Variants in EDIL3 observed in about 807,000 individuals in gnomAD.
EDIL3 encodes EGF like and discoidin domains 3, also known as EGF-like repeat and discoidin I-like domain-containing protein 3.
Under a neutral mutation model 67.4 loss-of-function variants are expected in EDIL3, and 37 were observed. The observed-to-expected ratio is 0.55, with a 90% CI of 0.42 to 0.72. The LOEUF (loss-of-function observed/expected upper bound fraction) is 0.72, where lower values mean the gene tolerates loss of function less well. Ranked by LOEUF, EDIL3 falls within the 30% of genes least tolerant of loss-of-function variation. EDIL3 has a pLI of 0.00. For synonymous variants in EDIL3, 195 were observed against 196.3 expected, an observed-to-expected ratio of 0.99 and a Z score of 0.05; for missense variants, 527 against 586.3, an observed-to-expected ratio of 0.90 and a Z score of 1.04.
chr5:84,286,547 G>A (rs1008067276), intron 1 of EDIL3, among the ~76,000 whole-genome samples: 3 of 152,086 alleles, frequency 2.0e-5, no homozygotes, highest in African/African-American at 7.2e-5. Flanking sequence ...TATACTCTGC[G>A]TTTGCTTGCT....
intron 6 of EDIL3, among the ~76,000 whole-genome samples, chr5:84,097,121 T>A (rs566716465): frequency 6.6e-6 from 1 of 152,278 alleles, no homozygotes; most frequent in South Asian, 2.1e-4. Flanking sequence ...ATACACCAAG[T>A]GACCCATGGT....
chr5:84,332,418 G>T (rs1746892361), intron 1 of EDIL3, among the ~76,000 whole-genome samples: 1 of 152,152 alleles, frequency 6.6e-6, no homozygotes, highest in Non-Finnish European at 1.5e-5. Flanking sequence ...TACTGCGATG[G>T]TTGATTTTCC....
At chr5:84,057,101 G>T (rs1746462036) in intron 9 of EDIL3, among the ~76,000 whole-genome samples, 1 of 152,054 alleles carries the variant, frequency 6.6e-6, no homozygotes, top group Non-Finnish European at 1.5e-5. Context: ...TTGCCTTGGA[G>T]ATTCTGAATA....
At chr5:83,949,874 CA>C (rs1336062285) in intron 10 of EDIL3, among the ~76,000 whole-genome samples, 1 of 151,696 alleles carries the variant, frequency 6.6e-6, no homozygotes, top group African/African-American at 2.4e-5. Flanking sequence ...TTTTGTTTCC[CA>C]GGGGGCTCTG....
rs150093117 is a variant in EDIL3 at position 84,032,197 on chromosome 5, G to A, written c.1137+28103C>T. ...CTTCCATATTGAACATAATTAGAAT[G>A]GCAATTCTTGTAATCCACTGGCATA... On this transcript the variant is annotated intron_variant, in intron 9 of 10. Transcript: ENST00000296591. Among the ~76,000 whole-genome samples, 10 of 152,164 alleles carry A rather than the reference G, an allele frequency of 6.6e-5. No individual in the cohort carries two copies. The East Asian group carries it at 1.9e-3, about 29-fold the overall frequency.
chr5:84,083,067 A>C (rs1747001363), intron 6 of EDIL3, among the ~76,000 whole-genome samples: 1 of 152,220 alleles, frequency 6.6e-6, no homozygotes, highest in Non-Finnish European at 1.5e-5. Context: ...AGCAGGGATG[A>C]ATTTTTAATT....
At chr5:84,325,678 G>A (rs1365399294) in intron 1 of EDIL3, among the ~76,000 whole-genome samples, 1 of 152,030 alleles carries the variant, frequency 6.6e-6, no homozygotes, top group East Asian at 1.9e-4. Context: ...AAAGACATAT[G>A]TGTACATTCA....
chr5:83,950,468 C>T (rs1435140450), intron 10 of EDIL3, among the ~76,000 whole-genome samples: 1 of 151,800 alleles, frequency 6.6e-6, no homozygotes, highest in African/African-American at 2.4e-5. Flanking sequence ...TCTACAACTT[C>T]CCCAACATCA....
intron 4 of EDIL3, among the ~76,000 whole-genome samples, chr5:84,172,617 T>G (rs1390900151): frequency 1.3e-5 from 2 of 151,070 alleles, no homozygotes; most frequent in African/African-American, 2.4e-5. Context: ...AACAAAAAAA[T>G]AAAAATAAAA....
intron 2 of EDIL3, among the ~76,000 whole-genome samples, chr5:84,233,165 T>C (rs1744615723): frequency 6.6e-6 from 1 of 152,176 alleles, no homozygotes; most frequent in African/African-American, 2.4e-5. Flanking sequence ...GAAATTATAA[T>C]GATGGTAGGA....
At chr5:84,375,131 C>G (rs759313826) in intron 1 of EDIL3, among the ~76,000 whole-genome samples, 2 of 151,944 alleles carry the variant, frequency 1.3e-5, no homozygotes, top group Non-Finnish European at 2.9e-5. Flanking sequence ...ACCACCACGC[C>G]CAGCTATTTT....
At chr5:84,044,795 G>A (rs567194614) in intron 9 of EDIL3, among the ~76,000 whole-genome samples, 1 of 152,238 alleles carries the variant, frequency 6.6e-6, no homozygotes, top group African/African-American at 2.4e-5. Flanking sequence ...AGTCGAAGTG[G>A]CAGCAGTTGG....
At chr5:84,316,847 C>T (rs1166810990) in intron 1 of EDIL3, among the ~76,000 whole-genome samples, 13 of 152,080 alleles carry the variant, frequency 8.5e-5, no homozygotes, top group Admixed American at 8.5e-4. Context: ...TAAAACTGAC[C>T]ACATAATTGG....
intron 1 of EDIL3, among the ~76,000 whole-genome samples, chr5:84,269,061 T>C (rs546656237): frequency 1.1e-4 from 16 of 152,330 alleles, no homozygotes; most frequent in African/African-American, 3.1e-4. Context: ...TCATCATATA[T>C]GTAGCCACTG....
intron 9 of EDIL3, among the ~76,000 whole-genome samples, chr5:83,987,685 C>T (rs1191659029): frequency 1.3e-5 from 2 of 152,056 alleles, no homozygotes; most frequent in East Asian, 3.9e-4. Flanking sequence ...GCCTCATTAT[C>T]CATATATATG....
chr5:84,049,785 C>T (rs1333593206), intron 9 of EDIL3, among the ~76,000 whole-genome samples: 1 of 152,168 alleles, frequency 6.6e-6, no homozygotes, highest in Non-Finnish European at 1.5e-5. Flanking sequence ...AGAAATGCCT[C>T]TGTTTAGGGC....
intron 9 of EDIL3, among the ~76,000 whole-genome samples, chr5:83,994,079 G>C (rs989687620): frequency 6.6e-6 from 1 of 152,064 alleles, no homozygotes; most frequent in South Asian, 2.1e-4. Context: ...TATGTTAAAC[G>C]GTCATTGAAA....
chr5:84,129,820 A>G (rs2112307019), intron 5 of EDIL3, among the ~76,000 whole-genome samples: 1 of 152,310 alleles, frequency 6.6e-6, no homozygotes, highest in African/African-American at 2.4e-5. Context: ...AATTTTTAGT[A>G]TATAAACATG....
At chr5:84,075,471 C>CTTA (rs1385286343) in intron 6 of EDIL3, among the ~76,000 whole-genome samples, 7 of 151,810 alleles carry the variant, frequency 4.6e-5, no homozygotes, top group African/African-American at 1.2e-4. Flanking sequence ...GCTTCTTCTT[C>CTTA]TTCTTCTTCT....
Sources: allele counts gnomAD v4.1 joint callset (sites outside exome capture counted in the v4.1 genomes callset), GRCh38; gene constraint gnomAD v4.1.1; transcripts MANE v1.5; gene names NCBI Gene and HGNC (gene_info 2026-07-23, HGNC 2026-07-21).